PALS2: variants seen among roughly 807,000 people sequenced by gnomAD.
The protein encoded by PALS2 is protein associated with LIN7 2, MAGUK p55 family member, also known as protein PALS2.
PALS2 carries 27 observed loss-of-function variants against 61.6 expected under a neutral mutation model. The observed-to-expected ratio is 0.44, with a 90% CI of 0.32 to 0.60. PALS2 has a LOEUF of 0.60. PALS2 is among the 20% of genes least tolerant of loss of function. The probability of loss-of-function intolerance (pLI) is 0.05; values close to 1 mark genes in which losing one functional copy is unlikely to be tolerated. For missense variants in PALS2, 554 were observed against 639.4 expected (o/e 0.87, Z 1.44); for synonymous variants, 236 against 218.6 (o/e 1.08, Z -0.70).
chr7:24,683,721 C>T (rs1297218369), intron 11 of PALS2, among the ~76,000 whole-genome samples: 1 of 152,152 alleles, frequency 6.6e-6, no homozygotes, highest in East Asian at 1.9e-4. Flanking sequence ...TAGTTGATCA[C>T]TGCTTCTTGC....
intron 3 of PALS2, among the ~76,000 whole-genome samples, chr7:24,643,845 A>G (rs924324864): frequency 6.6e-6 from 1 of 152,196 alleles, no homozygotes; most frequent in East Asian, 1.9e-4. Context: ...GAGCTAGAAT[A>G]CATCTTAAGT....
In PALS2 at chr7:24,693,336, A is replaced by C. The variant is rs922784992; in HGVS notation, c.*5722A>C. The stretch of plus-strand genomic sequence containing the variant: ...AACATACATAAATATGACAGGTCAT[A>C]TATGAAATTTGGCTCTCCTCCTATC... On this transcript the variant is annotated 3_prime_UTR_variant, in exon 12 of 12. Transcript: ENST00000222644. 2 of 152,216 alleles carry C rather than the reference A, an allele frequency of 1.3e-5. No individual in the cohort carries two copies. Among genetic ancestry groups the C allele is most frequent in the Non-Finnish European group, 2.9e-5 (2 of 68,022 alleles). The allele number at this position is 152,216 out of a possible 1,614,324, so 9.4% of individuals were successfully genotyped here. A position where few individuals can be genotyped will look rare whatever the true frequency, so the allele number is the denominator to read the frequency against.
At chr7:24,595,580 T>TATATAAATATATAAAAATATATATTAA (rs1783493155) in intron 1 of PALS2, among the ~76,000 whole-genome samples, 2 of 123,064 alleles carry the variant, frequency 1.6e-5, no homozygotes, top group African/African-American at 6.5e-5. Flanking sequence ...TATATATAAA[T>TATATAAATATATAAAAATATATATTAA]ATATATAAAT....
chr7:24,603,379 A>ATTT (rs1783784805), intron 1 of PALS2, among the ~76,000 whole-genome samples: 1 of 152,206 alleles, frequency 6.6e-6, no homozygotes, highest in Non-Finnish European at 1.5e-5. Flanking sequence ...GGTTGGAAAC[A>ATTT]AATAGAGAAA....
intron 5 of PALS2, among the ~76,000 whole-genome samples, chr7:24,656,664 A>C (rs2128082433): frequency 6.6e-6 from 1 of 152,180 alleles, no homozygotes; most frequent in African/African-American, 2.4e-5. Flanking sequence ...CTGGGACCAC[A>C]GGCATGCACC....
intron 2 of PALS2, among the ~76,000 whole-genome samples, chr7:24,636,212 C>CA (rs553687246): frequency 0.022 from 1,426 of 65,038 alleles, 27 homozygotes; most frequent in East Asian, 0.084. Flanking sequence ...AACTCTATCT[C>CA]AAAAAAAAAA....
At chr7:24,602,291 A>G (rs552763633) in intron 1 of PALS2, among the ~76,000 whole-genome samples, 3 of 151,854 alleles carry the variant, frequency 2.0e-5, no homozygotes, top group East Asian at 1.9e-4. Context: ...TCTTTTTTCA[A>G]CCTGAGTAGT....
At chr7:24,684,597 G>T (rs553936765) in intron 11 of PALS2, among the ~76,000 whole-genome samples, 173 of 152,274 alleles carry the variant, frequency 1.1e-3, no homozygotes, top group Non-Finnish European at 1.9e-3. Context: ...AATTCAGTCA[G>T]TAAGGGTGTA....
chr7:24,662,210 CAT>C (rs959635783), intron 5 of PALS2, among the ~76,000 whole-genome samples: 13 of 152,138 alleles, frequency 8.5e-5, no homozygotes, highest in African/African-American at 2.9e-4. Flanking sequence ...GATTTTATTA[CAT>C]GTTCCCAGAT....
At chr7:24,604,710 T>A (rs554218651) in intron 1 of PALS2, among the ~76,000 whole-genome samples, 45 of 152,374 alleles carry the variant, frequency 3.0e-4, no homozygotes, top group African/African-American at 1.1e-3. Context: ...TCCTTTCAGC[T>A]TCTGATAAGG....
At chr7:24,581,717 A>G (rs915681370) in intron 1 of PALS2, among the ~76,000 whole-genome samples, 10 of 152,220 alleles carry the variant, frequency 6.6e-5, no homozygotes, top group African/African-American at 2.4e-4. Flanking sequence ...CATCCAGCCC[A>G]AAATGTCAGT....
In PALS2 at chr7:24,615,963, A is replaced by C. The variant is rs563140182; in HGVS notation, c.-2-7703A>C. 1.4e-4 allele frequency among the ~76,000 whole-genome samples: 22 copies of C among 152,320 alleles called. 1 individual carries two copies. The South Asian group carries it at 4.6e-3, about 32-fold the overall frequency. ...AAAATAAAAACCACATAATCATCTC[A>C]ATAGATGCAGAAAAAGCGTTTTGTA... On this transcript the variant is annotated intron_variant, in intron 1 of 11. Coordinates refer to ENST00000222644, the MANE Select transcript of PALS2 (RefSeq NM_001303037.2).
intron 2 of PALS2, chr7:24,624,263 T>G: frequency 4.4e-6 from 2 of 453,036 alleles, no homozygotes; most frequent in Non-Finnish European, 3.5e-6. Context: ...GAGTAATCTC[T>G]TTAACTCATT....
At chr7:24,641,659 G>C (rs1042619918) in intron 2 of PALS2, 57 bp from the exon 3 acceptor site, 8 of 1,395,592 alleles carry the variant, frequency 5.7e-6, no homozygotes, top group East Asian at 2.4e-5. Context: ...AATAAACCAT[G>C]GTCTGGTGCA....
chr7:24,685,766 A>T (rs1177389064), intron 11 of PALS2, among the ~76,000 whole-genome samples: 1 of 150,782 alleles, frequency 6.6e-6, no homozygotes, highest in African/African-American at 2.4e-5. Flanking sequence ...TTTCAAACTC[A>T]TTTAGAAGTC....
At chr7:24,651,548 G>A (rs1054520378) in intron 5 of PALS2, among the ~76,000 whole-genome samples, 4 of 152,200 alleles carry the variant, frequency 2.6e-5, no homozygotes, top group Non-Finnish European at 2.9e-5. Context: ...GAGTGCTCAA[G>A]AAGTGGCTGC....
At chr7:24,630,133 A>T (rs2128062049) in intron 2 of PALS2, among the ~76,000 whole-genome samples, 1 of 152,330 alleles carries the variant, frequency 6.6e-6, no homozygotes, top group Middle Eastern at 3.4e-3. Context: ...TACACCATGG[A>T]ATAGTATGCG....
Position 24,649,688 on chromosome 7 carries a change from C to A in PALS2, c.347C>A (p.Ser116Tyr). ...CCATCAAGCCCAGAAATGAATAATT[C>A]TTCTATCAATAATCAGTTATTACCA... ...SPPSSPEMNN[S>Y]SINNQLLPVD... Residue 116 changes from serine to tyrosine, a missense_variant, in exon 4 of 12, where the codon TCT becomes TAT. Ser to Tyr is a moderately radical substitution (Grantham distance 144). Transcript: ENST00000222644. The A allele has an allele frequency of 6.2e-7, 1 of 1,611,746 alleles. No homozygotes were observed. The highest frequency in any genetic ancestry group is 8.5e-7 in the Non-Finnish European group (1 of 1,178,932).
intron 5 of PALS2, among the ~76,000 whole-genome samples, chr7:24,657,581 T>C (rs1263822068): frequency 3.3e-5 from 5 of 152,236 alleles, no homozygotes; most frequent in Admixed American, 6.5e-5. Flanking sequence ...TGAGTATTCT[T>C]TATGTATTCA....
Sources: gnomAD v4.1 joint callset for allele counts (sites outside exome capture counted in the v4.1 genomes callset) on GRCh38, gnomAD v4.1.1 for gene constraint, MANE v1.5 for transcripts, NCBI Gene and HGNC (gene_info 2026-07-23, HGNC 2026-07-21) for gene names.